Variants in RNF11 observed in about 807,000 individuals in gnomAD.
The protein encoded by RNF11 is ring finger protein 11.
In RNF11, 4 loss-of-function variants were observed where a neutral mutation model predicts 15.8. The observed-to-expected ratio is 0.25, with a 90% confidence interval of 0.12 to 0.58. The LOEUF (loss-of-function observed/expected upper bound fraction) is 0.58. Ranked by LOEUF, RNF11 falls within the 20% of genes least tolerant of loss-of-function variation. RNF11 has a pLI of 0.91. For missense variants in RNF11, 139 were observed against 194.4 expected (o/e 0.71, Z 1.70); for synonymous variants, 68 against 72.3 (o/e 0.94, Z 0.30).
At chr1:51,261,540 A>C (rs769546618) in intron 1 of RNF11, among the ~76,000 whole-genome samples, 1 of 152,198 alleles carries the variant, frequency 6.6e-6, no homozygotes, top group Non-Finnish European at 1.5e-5. Flanking sequence ...GATTTGCAGC[A>C]TGAAATGGGC....
intron 1 of RNF11, among the ~76,000 whole-genome samples, chr1:51,260,002 A>AT (rs1475365379): frequency 6.6e-6 from 1 of 152,160 alleles, no homozygotes; most frequent in Non-Finnish European, 1.5e-5. Flanking sequence ...GATTGTTTAG[A>AT]TTTTTATGAT....
At chr1:51,252,669 C>G (rs1179672889) in intron 1 of RNF11, among the ~76,000 whole-genome samples, 3 of 152,128 alleles carry the variant, frequency 2.0e-5, no homozygotes, top group African/African-American at 7.2e-5. Flanking sequence ...GTTGAGACCC[C>G]TAACCCCCAT....
intron 1 of RNF11, among the ~76,000 whole-genome samples, chr1:51,247,874 AAT>A (rs1260279018): frequency 1.3e-5 from 2 of 152,298 alleles, no homozygotes; most frequent in Admixed American, 6.5e-5. Flanking sequence ...CAACCCTCCA[AAT>A]ATATTTGCTT....
Position 51,260,706 on chromosome 1 carries a change from T to C in RNF11, c.124-9250T>C, listed in dbSNP as rs1214940484. ...ATTTTTTTTTCCTCATTGTCAGTTCTTCATCTGCTGTTAGTGTGTCTGCCC... is the reference window on the plus strand; with the variant it reads ...ATTTTTTTTTCCTCATTGTCAGTTCCTCATCTGCTGTTAGTGTGTCTGCCC... On this transcript the variant is annotated intron_variant, in intron 1 of 2. Coordinates refer to ENST00000242719, the MANE Select transcript of RNF11 (RefSeq NM_014372.5). Among the ~76,000 whole-genome samples, 4 of 152,154 alleles carry C rather than the reference T, an allele frequency of 2.6e-5. No homozygotes were observed. In the East Asian group the frequency reaches 5.8e-4, roughly 22 times the overall value.
At chr1:51,258,284 A>G (rs1156811282) in intron 1 of RNF11, among the ~76,000 whole-genome samples, 2 of 152,240 alleles carry the variant, frequency 1.3e-5, no homozygotes, top group Non-Finnish European at 2.9e-5. Context: ...AAACCTTGCA[A>G]TAAGTGGGGA....
At chr1:51,247,455 T>G (rs952116097) in intron 1 of RNF11, among the ~76,000 whole-genome samples, 6 of 108,324 alleles carry the variant, frequency 5.5e-5, no homozygotes, top group East Asian at 2.0e-4. Context: ...TGTTTTTTTG[T>G]TTTTTTTTTT....
At position 51,271,302 on chromosome 1, in the gene RNF11, T is replaced by G. The variant is rs1646976652; in HGVS notation, c.445T>G (p.Ser149Ala). The stretch of plus-strand genomic sequence containing the variant: ...GGAGCCAGTTGATGCAGCACTGCTT[T>G]CATCCTATGAGACTAATTGAGCCAG... The part of the protein sequence containing the change: ...CMEPVDAALL[S>A]SYETN The change falls in exon 3 of 3, where the codon TCA becomes GCA. Residue 149 changes from serine to alanine, a missense_variant. Transcript: ENST00000242719. The G allele has an allele frequency of 2.5e-6, 4 of 1,613,666 alleles. No individual in the cohort carries two copies. The highest frequency in any genetic ancestry group is 1.7e-5 in the Admixed American group (1 of 59,994).
rs1310852900 is a variant in RNF11, at chr1:51,272,900, T to G, written c.*1578T>G. The stretch of plus-strand genomic sequence containing the variant: ...GGAATGTAGTATGTCATAAGTACTT[T>G]GTAAAGATTTGACATTCAACTGTAG... On this transcript the variant is annotated 3_prime_UTR_variant, in exon 3 of 3. Transcript: ENST00000242719. 3 of 152,178 alleles carry G rather than the reference T, an allele frequency of 2.0e-5. No homozygotes were observed. The allele number at this position is 152,178 out of a possible 1,614,324, so 9.4% of individuals were successfully genotyped here. A position where few individuals can be genotyped will look rare whatever the true frequency, so the allele number is the denominator to read the frequency against.
In RNF11 at chr1:51,272,934, T is replaced by G. The variant is rs535734705; in HGVS notation, c.*1612T>G. The G allele has an allele frequency of 6.6e-6, 1 of 152,162 alleles. No individual in the cohort carries two copies. Among genetic ancestry groups the G allele is most frequent in the African/African-American group, 2.4e-5 (1 of 41,454 alleles). 9.4% of individuals were successfully genotyped at this position (152,162 alleles called of 1,614,324 possible). On this transcript the variant is annotated 3_prime_UTR_variant, in exon 3 of 3. Transcript: ENST00000242719. The stretch of plus-strand genomic sequence containing the variant: ...TTGACATTCAACTGTAGTATCCATA[T>G]GTTGCTTAAATTTCCTTATGAGCCC...
intron 1 of RNF11, among the ~76,000 whole-genome samples, chr1:51,261,687 A>ATT (rs772161201): frequency 7.9e-5 from 10 of 127,330 alleles, no homozygotes; most frequent in African/African-American, 2.4e-4. Flanking sequence ...CTGTGATAAG[A>ATT]TTTTTTTTTT....
chr1:51,250,497 T>G (rs1646872287), intron 1 of RNF11: 1 of 514,242 alleles, frequency 1.9e-6, no homozygotes, highest in East Asian at 3.5e-5. Flanking sequence ...CCACTTACAG[T>G]GCTAATTTGT....
At chr1:51,258,078 T>C (rs911456727) in intron 1 of RNF11, among the ~76,000 whole-genome samples, 2 of 152,034 alleles carry the variant, frequency 1.3e-5, no homozygotes, top group African/African-American at 4.8e-5. Context: ...GGCCTCGAAC[T>C]CCTGACCTCA....
chr1:51,262,715 C>CTTTT (rs35542254), intron 1 of RNF11, among the ~76,000 whole-genome samples: 16 of 84,092 alleles, frequency 1.9e-4, no homozygotes, highest in South Asian at 1.3e-3. Flanking sequence ...GCCTGCTAAT[C>CTTTT]TTTTTTTTTT....
At position 51,270,098 on chromosome 1, in the gene RNF11, G is replaced by A. The variant is rs968440059; in HGVS notation, c.266G>A (p.Arg89Lys). 1 of 1,603,402 alleles carries A rather than the reference G, an allele frequency of 6.2e-7. No homozygotes were observed. Among genetic ancestry groups the A allele is most frequent in the African/African-American group, 1.3e-5 (1 of 74,274 alleles). ...HLPKGVYDPG[R>K]DGSEKKIREC... is the part of the protein sequence containing the mutation. Reference sequence around the variant, plus strand: ...CCTAAAGGAGTTTATGACCCTGGAAGAGATGGATCAGAAAAAAAGATCCGG... The same window carrying A: ...CCTAAAGGAGTTTATGACCCTGGAAAAGATGGATCAGAAAAAAAGATCCGG... The change falls in exon 2 of 3, where the codon AGA becomes AAA. Residue 89 changes from arginine (R) to lysine (K), a missense_variant. Transcript: ENST00000242719.
At chr1:51,242,084 T>C (rs1338430561) in intron 1 of RNF11, among the ~76,000 whole-genome samples, 1 of 152,240 alleles carries the variant, frequency 6.6e-6, no homozygotes, top group African/African-American at 2.4e-5. Context: ...TACTTTTTGA[T>C]TGATACATTT....
intron 1 of RNF11, among the ~76,000 whole-genome samples, chr1:51,266,427 C>G (rs1415920386): frequency 6.6e-6 from 1 of 151,250 alleles, no homozygotes; most frequent in East Asian, 1.9e-4. Context: ...TTTGAGACAG[C>G]AGTTTTTCTT....
chr1:51,240,222 C>T (rs964573187), intron 1 of RNF11, among the ~76,000 whole-genome samples: 3 of 152,230 alleles, frequency 2.0e-5, no homozygotes, highest in African/African-American at 7.2e-5. Context: ...TCCCTTGACA[C>T]CTACAGCTAA....
intron 1 of RNF11, among the ~76,000 whole-genome samples, chr1:51,251,800 C>T (rs1477051112): frequency 6.6e-6 from 1 of 151,936 alleles, no homozygotes; most frequent in Non-Finnish European, 1.5e-5. Flanking sequence ...TAGCTGGAGC[C>T]GGGCGAGGTG....
rs1285893072 is a variant in RNF11 at position 51,236,882 on chromosome 1, A to G, written c.123+3A>G. ...AGGAGCCGCCGCCGCCATATCAGGT[A>G]GGGGAGGGTGTGTGTTGGGGGGAGC... On this transcript the variant is annotated splice_donor_region_variant and intron_variant, in intron 1 of 2. Coordinates refer to ENST00000242719, the MANE Select transcript of RNF11 (RefSeq NM_014372.5). 3.1e-6 allele frequency: 5 copies of G among 1,610,610 alleles called. No individual in the cohort carries two copies. The Admixed American group carries it at 5.0e-5, about 16-fold the overall frequency.
Sources: gnomAD v4.1 joint callset for allele counts (sites outside exome capture counted in the v4.1 genomes callset) on GRCh38, gnomAD v4.1.1 for gene constraint, MANE v1.5 for transcripts, NCBI Gene and HGNC (gene_info 2026-07-23, HGNC 2026-07-21) for gene names.